Variants in PUM1 observed in about 807,000 individuals in gnomAD.
The protein encoded by PUM1 is pumilio homolog 1.
A neutral mutation model predicts 131.8 loss-of-function variants in PUM1; 13 were observed. The ratio of observed to expected loss-of-function variants is 0.10; its 90% CI spans 0.06 to 0.16. PUM1 has a LOEUF of 0.16. PUM1 is among the 10% of genes least tolerant of loss of function. The pLI is 1.00. For synonymous variants in PUM1, 509 were observed against 556.5 expected, an observed-to-expected ratio of 0.91 and a Z score of 1.20; for missense variants, 961 against 1,512.4, an observed-to-expected ratio of 0.64 and a Z score of 6.05.
intron 2 of PUM1, among the ~76,000 whole-genome samples, chr1:31,057,464 C>G (rs914333323): frequency 1.3e-5 from 2 of 148,242 alleles, no homozygotes; most frequent in Admixed American, 1.4e-4. Context: ...GTGGCTCACA[C>G]CCGTAATCCC....
At chr1:30,997,872 G>T (rs1015899651) in intron 5 of PUM1, among the ~76,000 whole-genome samples, 2 of 151,306 alleles carry the variant, frequency 1.3e-5, no homozygotes, top group Admixed American at 1.3e-4. Flanking sequence ...GCCCGGCATG[G>T]CCTGAAATCT....
chr1:31,029,006 T>C, intron 2 of PUM1, 142 bp from the exon 3 acceptor site: 1 of 681,526 alleles, frequency 1.5e-6, no homozygotes, highest in Non-Finnish European at 2.6e-6. Context: ...GACTAAGAGA[T>C]TAAACATTCA....
intron 10 of PUM1, among the ~76,000 whole-genome samples, chr1:30,969,132 C>T (rs567321276): frequency 2.6e-5 from 4 of 151,908 alleles, no homozygotes; most frequent in South Asian, 4.2e-4. Flanking sequence ...GGCAAAACCC[C>T]GTCTCTACTA....
chr1:30,981,255 T>A (rs1570194409), intron 8 of PUM1, 57 bp downstream of exon 8: 12 of 1,131,038 alleles, frequency 1.1e-5, no homozygotes, highest in Non-Finnish European at 1.5e-5. Flanking sequence ...CAGCAACCAG[T>A]TATCCTAAAA....
chr1:31,023,565 T>G (rs1363782279), intron 3 of PUM1, among the ~76,000 whole-genome samples: 1 of 152,196 alleles, frequency 6.6e-6, no homozygotes, highest in Non-Finnish European at 1.5e-5. Context: ...GACTCCAGTA[T>G]TACCATCCCA....
rs575072636 is a variant in PUM1, at chr1:30,950,356, T to A, written c.2722-95A>T. On this transcript the variant is annotated intron_variant, in intron 16 of 21. Transcript: ENST00000426105. The stretch of plus-strand genomic sequence containing the variant: ...CATTATTCTGCATCAACCACTGGCA[T>A]AACCTCTTTTAGCCCTGATACCCAT... 1.5e-4 allele frequency: 200 copies of A among 1,325,112 alleles called. No homozygotes were observed. In the African/African-American group the frequency reaches 2.6e-3, roughly 18 times the overall value. The allele number at this position is 1,325,112 out of a possible 1,614,324, so 82.1% of individuals were successfully genotyped here.
At chr1:31,021,949 T>TA (rs796740307) in intron 3 of PUM1, among the ~76,000 whole-genome samples, 80 of 144,796 alleles carry the variant, frequency 5.5e-4, no homozygotes, top group African/African-American at 1.6e-3. Context: ...TCACCCCATC[T>TA]AAAAAAAAAA....
chr1:31,053,630 T>C (rs532995949), intron 2 of PUM1, among the ~76,000 whole-genome samples: 19 of 151,750 alleles, frequency 1.3e-4, no homozygotes, highest in African/African-American at 4.1e-4. Flanking sequence ...AGCGCCACCA[T>C]GCCTGGCTAA....
intron 20 of PUM1, among the ~76,000 whole-genome samples, chr1:30,938,940 CAGACAGATAGACAGATAGACAGAT>C (rs1168018084): frequency 8.8e-6 from 1 of 114,104 alleles, no homozygotes; most frequent in African/African-American, 3.4e-5. Context: ...GACAGACAGA[CAGACAGATAGACAGATAGACAGAT>C]ACATACATAC....
At chr1:31,022,441 C>T (rs1469757236) in intron 3 of PUM1, among the ~76,000 whole-genome samples, 1 of 152,214 alleles carries the variant, frequency 6.6e-6, no homozygotes, top group Non-Finnish European at 1.5e-5. Flanking sequence ...AGCTTAACAT[C>T]TACATACAGT....
chr1:31,040,216 C>T (rs968198852), intron 2 of PUM1, among the ~76,000 whole-genome samples: 4 of 152,068 alleles, frequency 2.6e-5, no homozygotes, highest in South Asian at 2.1e-4. Flanking sequence ...CACCATGCCC[C>T]GCCAAGAATC....
chr1:30,940,211 C>T (rs2124386046), intron 20 of PUM1, among the ~76,000 whole-genome samples: 1 of 152,340 alleles, frequency 6.6e-6, no homozygotes, highest in East Asian at 1.9e-4. Context: ...GTACTGGTGG[C>T]TCGTGCTGGT....
At chr1:30,962,576 A>G (rs1305467298) in intron 14 of PUM1, among the ~76,000 whole-genome samples, 2 of 151,852 alleles carry the variant, frequency 1.3e-5, no homozygotes, top group African/African-American at 2.4e-5. Flanking sequence ...ATGCCTGGCT[A>G]ATTTTTGTAT....
At chr1:30,990,637 G>C (rs1467866772) in intron 7 of PUM1, among the ~76,000 whole-genome samples, 1 of 151,794 alleles carries the variant, frequency 6.6e-6, no homozygotes, top group Non-Finnish European at 1.5e-5. Flanking sequence ...GCTTACGCCA[G>C]TGGTTCCCAG....
intron 3 of PUM1, among the ~76,000 whole-genome samples, chr1:31,023,523 C>A (rs1353513099): frequency 6.6e-6 from 1 of 152,198 alleles, no homozygotes; most frequent in Non-Finnish European, 1.5e-5. Context: ...CAGATTTAGT[C>A]TCCATACTGG....
chr1:31,051,493 G>T (rs1644108785), intron 2 of PUM1, among the ~76,000 whole-genome samples: 1 of 152,072 alleles, frequency 6.6e-6, no homozygotes, highest in African/African-American at 2.4e-5. Flanking sequence ...TGTAGAGATG[G>T]GGTTTCTCCA....
rs1557545170 is a variant in PUM1 at position 30,942,194 on chromosome 1, TATATATATATATA to T, written c.2995-84_2995-72del. ...ACCTTCAATGCTTCAGTATTGTTTA[TATATATATATATA>T]TATATATATATATATATATATATAT... is the stretch of plus-strand genomic sequence containing the variant. On this transcript the variant is annotated intron_variant, in intron 18 of 21. Coordinates refer to ENST00000426105, the MANE Select transcript of PUM1 (RefSeq NM_001020658.2). 0.055 allele frequency: 8,952 copies of T among 163,330 alleles called. 1,399 individuals are homozygous for T. The highest frequency in any genetic ancestry group is 0.06 in the Non-Finnish European group (6,386 of 105,962). The allele number at this position is 163,330 out of a possible 1,614,324, so 10.1% of individuals were successfully genotyped here. A position where few individuals can be genotyped will look rare whatever the true frequency, so the allele number is the denominator to read the frequency against.
intron 18 of PUM1, among the ~76,000 whole-genome samples, chr1:30,943,416 A>G (rs1274232781): frequency 6.6e-6 from 1 of 151,952 alleles, no homozygotes; most frequent in African/African-American, 2.4e-5. Context: ...GCACCCGGCT[A>G]ATTTTTTGTA....
In PUM1 at chr1:31,028,840, G is replaced by T; in HGVS notation, c.388C>A (p.His130Asn). ...TCCAGAGCAAGTGCTTGAAAATCATGATTCAGTTCATCCATGGAACGCACC... is the reference window on the plus strand; with the variant it reads ...TCCAGAGCAAGTGCTTGAAAATCATTATTCAGTTCATCCATGGAACGCACC... ...HQVRSMDELNHDFQALALEGR... is the reference protein window; with the variant it reads ...HQVRSMDELNNDFQALALEGR... Residue 130 changes from histidine to asparagine, a missense_variant, in exon 3 of 22, where the codon CAT becomes AAT. Coordinates refer to ENST00000426105, the MANE Select transcript of PUM1 (RefSeq NM_001020658.2). 6.2e-7 allele frequency: 1 copy of T among 1,613,908 alleles called. No homozygotes were observed. Among genetic ancestry groups the T allele is most frequent in the Non-Finnish European group, 8.5e-7 (1 of 1,179,852 alleles).
Sources: gnomAD v4.1 joint callset for allele counts (sites outside exome capture counted in the v4.1 genomes callset) on GRCh38, gnomAD v4.1.1 for gene constraint, MANE v1.5 for transcripts, NCBI Gene and HGNC (gene_info 2026-07-23, HGNC 2026-07-21) for gene names.